The following PLEKHG3 variants were observed in gnomAD, a reference collection of about 807,000 sequenced individuals.
PLEKHG3 encodes pleckstrin homology domain-containing family G member 3.
A neutral mutation model predicts 94.9 loss-of-function variants in PLEKHG3; 62 were observed. That is an observed-to-expected ratio of 0.65 (90% CI 0.53 to 0.81). The LOEUF is 0.81. Ranked by LOEUF, PLEKHG3 falls within the 30% of genes least tolerant of loss-of-function variation. The pLI, the probability that PLEKHG3 is intolerant of heterozygous loss-of-function variation, is 0.00. For synonymous variants in PLEKHG3, 614 were observed against 654.0 expected (o/e 0.94, Z 0.93); for missense variants, 1,461 against 1,619.3 (o/e 0.90, Z 1.68).
At chr14:64,736,808 C>G in intron 12 of PLEKHG3, 45 bp from the exon 13 acceptor site, 1 of 1,464,980 alleles carries the variant, frequency 6.8e-7, no homozygotes, top group Non-Finnish European at 9.6e-7. Flanking sequence ...CCAGGCACAG[C>G]AGTTTCCTGG....
At position 64,731,579 on chromosome 14, in the gene PLEKHG3, C is replaced by T. The variant is rs1315911802; in HGVS notation, c.1032+36C>T. The T allele has an allele frequency of 6.2e-7, 1 of 1,600,872 alleles. No homozygotes were observed. ...CCTGCCCCATCTCCTCTGCCATCTT[C>T]TCTCCTTCCCAAAGGATCTGGGCTC... is the stretch of plus-strand genomic sequence containing the variant. On this transcript the variant is annotated intron_variant, in intron 8 of 16. Transcript: ENST00000247226. The surrounding 1 kb of genome is among the most constrained non-coding windows in gnomAD (Gnocchi z 6.1).
intron 12 of PLEKHG3, among the ~76,000 whole-genome samples, 155 bp from the exon 13 acceptor site, chr14:64,736,696 CTG>C (rs2139390794): frequency 6.6e-6 from 1 of 152,320 alleles, no homozygotes; most frequent in African/African-American, 2.4e-5. Flanking sequence ...CTCGCCGACA[CTG>C]TGGAAGGCAG....
intron 12 of PLEKHG3, among the ~76,000 whole-genome samples, chr14:64,734,490 C>T (rs752075984): frequency 6.6e-6 from 1 of 152,120 alleles, no homozygotes; most frequent in Non-Finnish European, 1.5e-5. Flanking sequence ...TTGAATTGTA[C>T]ACTCTAAATA....
Position 64,749,797 on chromosome 14 carries a change from A to C in PLEKHG3, c.*6094A>C. On this transcript the variant is annotated 3_prime_UTR_variant, in exon 17 of 17. Transcript: ENST00000247226. This position sits in a 1 kb window ranked among gnomAD's most constrained non-coding sequence, Gnocchi z 4.7. Reference sequence around the variant, plus strand: ...ACAATACCCTGAGCCGAACATCCAGACCCCTCTCAGGCAGCCCAGCACTTT... The same window carrying C: ...ACAATACCCTGAGCCGAACATCCAGCCCCCTCTCAGGCAGCCCAGCACTTT... 1 of 1,525,562 alleles carries C rather than the reference A, an allele frequency of 6.6e-7. No individual in the cohort carries two copies. The highest frequency in any genetic ancestry group is 1.2e-5 in the South Asian group (1 of 86,328). The allele number at this position is 1,525,562 out of a possible 1,614,324, so 94.5% of individuals were successfully genotyped here. A position where few individuals can be genotyped will look rare whatever the true frequency, so the allele number is the denominator to read the frequency against.
intron 1 of PLEKHG3, among the ~76,000 whole-genome samples, chr14:64,705,913 A>G (rs531659561): frequency 1.3e-5 from 2 of 152,264 alleles, no homozygotes; most frequent in African/African-American, 4.8e-5. Context: ...CCCTGGATGC[A>G]ATGGCCTCAC....
chr14:64,732,697 C>T lies in PLEKHG3; in HGVS notation c.1247-106C>T. On this transcript the variant is annotated intron_variant, in intron 11 of 16. Transcript: ENST00000247226. The surrounding 1 kb of genome is among the most constrained non-coding windows in gnomAD (Gnocchi z 4.9). ...GGAGGGAGCTCTGGAGGCTCCTGGC[C>T]CTGGAGCTGGGTGGGTATAGAGGTC... 1.1e-6 allele frequency: 1 copy of T among 874,938 alleles called. No individual in the cohort carries two copies. The highest frequency in any genetic ancestry group is 1.8e-6 in the Non-Finnish European group (1 of 554,742). The allele number at this position is 874,938 out of a possible 1,614,324, so 54.2% of individuals were successfully genotyped here. A position where few individuals can be genotyped will look rare whatever the true frequency, so the allele number is the denominator to read the frequency against.
rs1221396184 is a variant in PLEKHG3 at position 64,726,668 on chromosome 14, C to T, written c.-39-925C>T. ...GTGCAGTTTACTGCTTTCTCTGCTG[C>T]CCCCGCCCAGCTGTGCCAAGGGGAG... On this transcript the variant is annotated intron_variant, in intron 1 of 16. Coordinates refer to ENST00000247226, the MANE Select transcript of PLEKHG3 (RefSeq NM_001308147.2). The surrounding 1 kb of genome is among the most constrained non-coding windows in gnomAD (Gnocchi z 5.1). Among the ~76,000 whole-genome samples, 1 of 152,196 alleles carries T rather than the reference C, an allele frequency of 6.6e-6. No homozygotes were observed. The highest frequency in any genetic ancestry group is 1.5e-5 in the Non-Finnish European group (1 of 68,026).
intron 1 of PLEKHG3, among the ~76,000 whole-genome samples, chr14:64,705,598 A>T (rs2080958637): frequency 6.6e-6 from 1 of 152,282 alleles, no homozygotes; most frequent in East Asian, 1.9e-4. Context: ...GGAACCCTGG[A>T]GTGGGGGTTC....
chr14:64,741,433 G>C lies in PLEKHG3; in HGVS notation c.1916G>C (p.Ser639Thr), dbSNP rs961804312. 3.1e-6 allele frequency: 5 copies of C among 1,612,722 alleles called. No individual in the cohort carries two copies. Among genetic ancestry groups the C allele is most frequent in the Non-Finnish European group, 3.4e-6 (4 of 1,179,996 alleles). Residue 639 changes from serine to threonine, a missense_variant, in exon 16 of 17, where the codon AGC becomes ACC. Ser to Thr is a moderately conservative substitution (Grantham distance 58). Coordinates refer to ENST00000247226, the MANE Select transcript of PLEKHG3 (RefSeq NM_001308147.2). ...AGCCCGCGGCTGGTCAGCCGGAGCA[G>C]CAGCGTGCTCAGCCTGGAGGGCAGC... is the stretch of plus-strand genomic sequence containing the variant. ...FGSPRLVSRS[S>T]SVLSLEGSEK...
intron 1 of PLEKHG3, among the ~76,000 whole-genome samples, chr14:64,713,322 A>G (rs1397816441): frequency 6.6e-6 from 1 of 152,020 alleles, no homozygotes; most frequent in Non-Finnish European, 1.5e-5. Context: ...ATGAGTTGGG[A>G]AGTATTTCCT....
Position 64,729,187 on chromosome 14 carries a change from C to G in PLEKHG3, c.449+94C>G, listed in dbSNP as rs891981504. On this transcript the variant is annotated intron_variant, in intron 3 of 16. Transcript: ENST00000247226. The stretch of plus-strand genomic sequence containing the variant: ...CCTGGATGTCCCTGGTCTCATGGGC[C>G]TGTGACATGTGGGCCTGGGGCCTGA... 5.0e-6 allele frequency: 3 copies of G among 599,648 alleles called. No individual in the cohort carries two copies. The African/African-American group carries it at 5.6e-5, about 11-fold the overall frequency. The allele number at this position is 599,648 out of a possible 1,614,324, so 37.1% of individuals were successfully genotyped here.
Position 64,721,586 on chromosome 14 carries a change from A to G in PLEKHG3, c.-39-6007A>G, listed in dbSNP as rs773017075. Among the ~76,000 whole-genome samples, 12 of 152,006 alleles carry G rather than the reference A, an allele frequency of 7.9e-5. No homozygotes were observed. Among genetic ancestry groups the G allele is most frequent in the Non-Finnish European group, 1.6e-4 (11 of 67,960 alleles). Reference sequence around the variant, plus strand: ...CTGGGCTGGGTTTGGGTGGCCCAGAAACCTTGGTCACACTGTTGGCACAGC... The same window carrying G: ...CTGGGCTGGGTTTGGGTGGCCCAGAGACCTTGGTCACACTGTTGGCACAGC... On this transcript the variant is annotated intron_variant, in intron 1 of 16. Transcript: ENST00000247226. The surrounding 1 kb of genome is among the most constrained non-coding windows in gnomAD (Gnocchi z 4.3).
chr14:64,741,814 AGCCAGT>A lies in PLEKHG3; in HGVS notation c.2298_2303del (p.Val768_Pro769del). 6.2e-7 allele frequency: 1 copy of A among 1,613,584 alleles called. No individual in the cohort carries two copies. The highest frequency in any genetic ancestry group is 1.6e-4 in the Middle Eastern group (1 of 6,062). On this transcript the variant is annotated inframe_deletion, in exon 16 of 17. Transcript: ENST00000247226. ...AACAGCCTTCCCCGGCCAGACCCAGAGCCAGTACCTCCAGTGGGGAGCAAGAGACAG... is the reference window on the plus strand; with the variant it reads ...AACAGCCTTCCCCGGCCAGACCCAGAACCTCCAGTGGGGAGCAAGAGACAG...
chr14:64,716,481 AACACACACACACACAACACAC>A lies in PLEKHG3; in HGVS notation c.-39-11096_-39-11076del, dbSNP rs2081157302. On this transcript the variant is annotated intron_variant, in intron 1 of 16. Transcript: ENST00000247226. This position sits in a 1 kb window ranked among gnomAD's most constrained non-coding sequence, Gnocchi z 5.0. ...ACACACACACAACACACACACACAC[AACACACACACACACAACACAC>A]ACACACACACACACACACACACACA... 8.6e-6 allele frequency among the ~76,000 whole-genome samples: 1 copy of A among 116,396 alleles called. No individual in the cohort carries two copies. The highest frequency in any genetic ancestry group is 1.8e-5 in the Non-Finnish European group (1 of 56,444). The allele number at this position is 116,396 out of a possible 152,430, so 76.4% of individuals were successfully genotyped here.
rs138277322 is a variant in PLEKHG3, at chr14:64,748,734, C to T, written c.*5031C>T. 1,657 of 154,700 alleles carry T rather than the reference C, an allele frequency of 0.011. 40 individuals carry two copies. Among genetic ancestry groups the T allele is most frequent in the African/African-American group, 0.038 (1,588 of 41,582 alleles). 9.6% of individuals were successfully genotyped at this position (154,700 alleles called of 1,614,324 possible). ...TGCACCCAGTCTGGTCCCCTCAGCC[C>T]CCCAGAGCCCCTGGCCCAGAGCTAG... On this transcript the variant is annotated 3_prime_UTR_variant, in exon 17 of 17. Transcript: ENST00000247226.
chr14:64,729,474 C>A (rs1376555006), intron 3 of PLEKHG3, among the ~76,000 whole-genome samples: 2 of 152,154 alleles, frequency 1.3e-5, no homozygotes, highest in Non-Finnish European at 2.9e-5. Flanking sequence ...CCCAAGGGCT[C>A]CCTGGAGATG....
intron 1 of PLEKHG3, among the ~76,000 whole-genome samples, chr14:64,707,587 G>T (rs1247902497): frequency 6.6e-6 from 1 of 152,220 alleles, no homozygotes. Context: ...TAAAAAATAT[G>T]ATAGGGAAGG....
intron 1 of PLEKHG3, among the ~76,000 whole-genome samples, chr14:64,712,202 C>T (rs539920885): frequency 3.9e-5 from 6 of 152,170 alleles, no homozygotes; most frequent in South Asian, 2.1e-4. Context: ...GCCCTTACAC[C>T]GGTACCATAT....
chr14:64,721,298 G>A lies in PLEKHG3; in HGVS notation c.-39-6295G>A, dbSNP rs2081258100. Among the ~76,000 whole-genome samples the A allele has an allele frequency of 6.6e-6, 1 of 152,122 alleles. No individual in the cohort carries two copies. The highest frequency in any genetic ancestry group is 1.5e-5 in the Non-Finnish European group (1 of 68,010). On this transcript the variant is annotated intron_variant, in intron 1 of 16. Coordinates refer to ENST00000247226, the MANE Select transcript of PLEKHG3 (RefSeq NM_001308147.2). The surrounding 1 kb of genome is among the most constrained non-coding windows in gnomAD (Gnocchi z 4.3). ...CATGTTGGGTAGGTGGGGACAGGGG[G>A]GTGTAGATGAACAGCCCTCCCTCTG...
Sources: gnomAD v4.1 joint callset for allele counts (sites outside exome capture counted in the v4.1 genomes callset) on GRCh38, gnomAD v4.1.1 for gene constraint, Gnocchi (gnomAD v3.1) non-coding constraint, MANE v1.5 for transcripts, NCBI Gene and HGNC (gene_info 2026-07-23, HGNC 2026-07-21) for gene names.